The following UMAD1 variants were observed in gnomAD, a reference collection of about 807,000 sequenced individuals.
The protein encoded by UMAD1 is UBAP1-MVB12-associated (UMA) domain containing 1.
In UMAD1, 8 loss-of-function variants were observed where a neutral mutation model predicts 6.1. The ratio of observed to expected loss-of-function variants is 1.30; its 90% CI spans 0.76 to 2.35. The LOEUF (loss-of-function observed/expected upper bound fraction) is 2.35, where lower values mean the gene tolerates loss of function less well. UMAD1 is among the 30% of genes most tolerant of loss of function. UMAD1 has a pLI of 0.00. For synonymous variants in UMAD1, 56 were observed against 31.4 expected, an observed-to-expected ratio of 1.78 and a Z score of -2.61; for missense variants, 130 against 78.4, an observed-to-expected ratio of 1.66 and a Z score of -2.49.
intron 1 of UMAD1, among the ~76,000 whole-genome samples, chr7:7,653,704 G>C (rs1462661509): frequency 6.6e-6 from 1 of 152,240 alleles, no homozygotes; most frequent in Non-Finnish European, 1.5e-5. Flanking sequence ...TTTACCTAGA[G>C]AGTGCTGCTG....
intron 2 of UMAD1, among the ~76,000 whole-genome samples, chr7:7,681,594 C>G (rs1466094339): frequency 6.6e-6 from 1 of 152,088 alleles, no homozygotes; most frequent in Admixed American, 6.5e-5. Context: ...ATAGCTATTC[C>G]TTCATTCAGT....
Position 7,817,022 on chromosome 7 carries a change from G to A in UMAD1, c.156+15279G>A, listed in dbSNP as rs145653273. Among the ~76,000 whole-genome samples the A allele has an allele frequency of 2.6e-5, 4 of 152,288 alleles. No individual in the cohort carries two copies. The East Asian group carries it at 7.7e-4, about 29-fold the overall frequency. ...ATATGGTCCTTCGTGGTCTGGTCCT[G>A]CTCCTCTGTGTAAACGTTCAGGTCT... On this transcript the variant is annotated intron_variant, in intron 3 of 3. Transcript: ENST00000682710.
chr7:7,654,671 G>T (rs1007719425), intron 1 of UMAD1, among the ~76,000 whole-genome samples: 1 of 152,144 alleles, frequency 6.6e-6, no homozygotes, highest in African/African-American at 2.4e-5. Flanking sequence ...GGGAGCACAA[G>T]GTGGGCTGAT....
chr7:7,765,555 A>G (rs533474710), intron 2 of UMAD1, among the ~76,000 whole-genome samples: 5 of 152,244 alleles, frequency 3.3e-5, no homozygotes, highest in Admixed American at 2.0e-4. Flanking sequence ...TTGACTTTGT[A>G]TACTTTTACT....
chr7:7,728,904 T>A (rs1181141760), intron 2 of UMAD1, among the ~76,000 whole-genome samples: 1 of 152,214 alleles, frequency 6.6e-6, no homozygotes, highest in Non-Finnish European at 1.5e-5. Flanking sequence ...GTGAATATGA[T>A]GGATACAGCC....
chr7:7,806,328 T>A (rs1782912861), intron 3 of UMAD1, among the ~76,000 whole-genome samples: 1 of 152,012 alleles, frequency 6.6e-6, no homozygotes, highest in South Asian at 2.1e-4. Flanking sequence ...CTAATGTCAC[T>A]TCCTTTGTGA....
chr7:7,745,739 G>C (rs746441422), intron 2 of UMAD1, among the ~76,000 whole-genome samples: 1 of 152,102 alleles, frequency 6.6e-6, no homozygotes. Context: ...TTTACTTCGT[G>C]GTCTGTAAAA....
intron 3 of UMAD1, among the ~76,000 whole-genome samples, chr7:7,857,882 T>C (rs969710268): frequency 2.0e-5 from 3 of 152,234 alleles, no homozygotes; most frequent in African/African-American, 7.2e-5. Flanking sequence ...AAAGAATCTA[T>C]AACCCTTTCT....
intron 1 of UMAD1, among the ~76,000 whole-genome samples, chr7:7,662,993 T>C (rs1243007132): frequency 7.5e-6 from 1 of 133,550 alleles, no homozygotes; most frequent in African/African-American, 2.8e-5. Context: ...TTTAAAGAAG[T>C]GTGTGAGTGC....
intron 3 of UMAD1, among the ~76,000 whole-genome samples, chr7:7,847,102 AAAATATATAT>A (rs1290360212): frequency 2.5e-4 from 5 of 20,258 alleles, no homozygotes; most frequent in Non-Finnish European, 2.4e-4. Flanking sequence ...AAAAAAAAAA[AAAATATATAT>A]ATATATATAT....
intron 3 of UMAD1, among the ~76,000 whole-genome samples, chr7:7,814,275 T>C (rs1362005993): frequency 2.6e-5 from 4 of 152,222 alleles, no homozygotes; most frequent in Non-Finnish European, 4.4e-5. Flanking sequence ...TGAGCCACTG[T>C]CATATTGCTT....
At chr7:7,704,170 C>T (rs935168372) in intron 2 of UMAD1, among the ~76,000 whole-genome samples, 13 of 152,076 alleles carry the variant, frequency 8.5e-5, no homozygotes, top group African/African-American at 3.1e-4. Flanking sequence ...GAAAGGCCAA[C>T]TGTTTTCTGT....
At chr7:7,739,339 A>C (rs781101741) in intron 2 of UMAD1, among the ~76,000 whole-genome samples, 8 of 152,172 alleles carry the variant, frequency 5.3e-5, no homozygotes, top group Non-Finnish European at 1.2e-4. Flanking sequence ...ATTTTTAGTA[A>C]GTTACTGTAG....
chr7:7,835,677 G>A (rs891324816), intron 3 of UMAD1, among the ~76,000 whole-genome samples: 12 of 151,552 alleles, frequency 7.9e-5, no homozygotes, highest in South Asian at 4.2e-4. Flanking sequence ...CCTTTAAGTA[G>A]CAGTGGAGAT....
At chr7:7,767,568 GATC>G (rs910593126) in intron 2 of UMAD1, among the ~76,000 whole-genome samples, 1 of 152,128 alleles carries the variant, frequency 6.6e-6, no homozygotes, top group African/African-American at 2.4e-5. Context: ...TTTTTCACGA[GATC>G]ATCAGTAGTT....
At chr7:7,693,594 C>T (rs188623119) in intron 2 of UMAD1, among the ~76,000 whole-genome samples, 1 of 151,970 alleles carries the variant, frequency 6.6e-6, no homozygotes, top group African/African-American at 2.4e-5. Flanking sequence ...ACATTAAGGT[C>T]TATTTTAAGG....
intron 3 of UMAD1, among the ~76,000 whole-genome samples, chr7:7,819,991 T>C (rs1055587942): frequency 2.0e-5 from 3 of 152,184 alleles, no homozygotes; most frequent in Non-Finnish European, 4.4e-5. Flanking sequence ...CATATCAAGA[T>C]CAAGCAAAAC....
At chr7:7,674,143 G>A (rs1160311622) in intron 2 of UMAD1, among the ~76,000 whole-genome samples, 2 of 152,022 alleles carry the variant, frequency 1.3e-5, no homozygotes. Context: ...GTTTCCTTGT[G>A]GTTCTCATCC....
chr7:7,649,522 G>A (rs9791866), intron 1 of UMAD1, among the ~76,000 whole-genome samples: 46,445 of 151,944 alleles, frequency 0.31, 9,024 homozygotes, highest in East Asian at 0.79. Flanking sequence ...TCAAACCACA[G>A]CAGGATTAAT....
Sources: gnomAD v4.1 joint callset for allele counts (sites outside exome capture counted in the v4.1 genomes callset) on GRCh38, gnomAD v4.1.1 for gene constraint, MANE v1.5 for transcripts, NCBI Gene and HGNC (gene_info 2026-07-23, HGNC 2026-07-21) for gene names.